Variants in TACC1 observed in about 807,000 individuals in gnomAD.
TACC1 encodes transforming acidic coiled-coil-containing protein 1.
A neutral mutation model predicts 84.4 loss-of-function variants in TACC1; 48 were observed. That is an observed-to-expected ratio of 0.57 (90% CI 0.45 to 0.72). The LOEUF (loss-of-function observed/expected upper bound fraction) is 0.72. Among genes scored for constraint, TACC1 ranks in the 30% least tolerant of loss-of-function variants. TACC1 has a pLI of 0.00. For synonymous variants in TACC1, 372 were observed against 376.3 expected (o/e 0.99, Z 0.13); for missense variants, 920 against 973.0 (o/e 0.95, Z 0.72).
At chr8:38,770,764 T>C (rs1467644327) in intron 3 of TACC1, among the ~76,000 whole-genome samples, 2 of 152,140 alleles carry the variant, frequency 1.3e-5, no homozygotes, top group African/African-American at 4.8e-5. Context: ...AAAAAAGGAC[T>C]CCAGCGCCAG....
intron 3 of TACC1, among the ~76,000 whole-genome samples, chr8:38,775,265 C>G (rs192428115): frequency 6.6e-6 from 1 of 152,230 alleles, no homozygotes; most frequent in Non-Finnish European, 1.5e-5. Context: ...CTGAGTAAAC[C>G]TTCTTCCAAA....
intron 3 of TACC1, among the ~76,000 whole-genome samples, chr8:38,780,697 A>G (rs542796205): frequency 1.3e-5 from 2 of 151,848 alleles, no homozygotes; most frequent in South Asian, 4.2e-4. Flanking sequence ...TTTAAACATT[A>G]TTGACGAATT....
intron 3 of TACC1, among the ~76,000 whole-genome samples, chr8:38,773,079 G>A (rs987338671): frequency 1.3e-5 from 2 of 152,024 alleles, no homozygotes; most frequent in African/African-American, 4.8e-5. Flanking sequence ...TGTAATCCTA[G>A]CACTTTGGGA....
chr8:38,788,147 A>G (rs1191286883), intron 1 of TACC1: 3 of 188,718 alleles, frequency 1.6e-5, no homozygotes, highest in South Asian at 1.3e-4. Context: ...CGTGTACCCA[A>G]AACGCAGCCG....
chr8:38,840,085 C>T (rs13275095), intron 8 of TACC1, 139 bp from the exon 9 acceptor site: 90,585 of 308,958 alleles, frequency 0.29, 14,300 homozygotes, highest in Non-Finnish European at 0.33. Context: ...AAAAAGATAA[C>T]GAGAGCCCCA....
intron 2 of TACC1, among the ~76,000 whole-genome samples, chr8:38,791,859 T>C (rs949616453): frequency 3.3e-5 from 5 of 152,176 alleles, no homozygotes; most frequent in East Asian, 1.9e-4. Flanking sequence ...ACATTTACCA[T>C]ACCCATGGCT....
intron 2 of TACC1, among the ~76,000 whole-genome samples, chr8:38,789,457 T>C (rs1208325588): frequency 3.9e-5 from 6 of 152,200 alleles, no homozygotes; most frequent in Admixed American, 3.9e-4. Context: ...GCTTATTTAC[T>C]AAATAGAGTG....
chr8:38,794,406 G>A (rs956776759), intron 2 of TACC1, among the ~76,000 whole-genome samples: 1 of 152,128 alleles, frequency 6.6e-6, no homozygotes, highest in Non-Finnish European at 1.5e-5. Flanking sequence ...CAAAGTGTTG[G>A]GGTTACAGGC....
In TACC1 at chr8:38,820,452, T is replaced by C. The variant is rs969524153; in HGVS notation, c.1208T>C (p.Leu403Pro). ...AACCCCTTTGGGAGCCACTCTGTTCTGCAGAACTCCCCACCCCTCTCTTCT... is the reference window on the plus strand; with the variant it reads ...AACCCCTTTGGGAGCCACTCTGTTCCGCAGAACTCCCCACCCCTCTCTTCT... ...SFNPFGSHSV[L>P]QNSPPLSSEG... Residue 403 changes from leucine to proline, a missense_variant, in exon 3 of 13, where the codon CTG becomes CCG. Physicochemically the swap from Leu to Pro is moderately conservative, Grantham distance 98. Coordinates refer to ENST00000317827, the MANE Select transcript of TACC1 (RefSeq NM_006283.3). 2.5e-6 allele frequency: 4 copies of C among 1,614,228 alleles called. No individual in the cohort carries two copies. The highest frequency in any genetic ancestry group is 3.4e-6 in the Non-Finnish European group (4 of 1,180,040).
chr8:38,748,126 T>C (rs142176008), intron 3 of TACC1, among the ~76,000 whole-genome samples: 197 of 152,168 alleles, frequency 1.3e-3, no homozygotes, highest in Middle Eastern at 6.8e-3. Context: ...GAAAAAGATA[T>C]ATCATGTAAA....
At chr8:38,846,246 T>C (rs903802926) in intron 11 of TACC1, 2 of 135,484 alleles carry the variant, frequency 1.5e-5, no homozygotes, top group African/African-American at 5.7e-5. Flanking sequence ...ACTGCGCCAC[T>C]GTACTCCAGC....
Position 38,831,167 on chromosome 8 carries a change from C to T in TACC1, c.1703C>T (p.Ser568Phe). 1 of 1,614,174 alleles carries T rather than the reference C, an allele frequency of 6.2e-7. No homozygotes were observed. The highest frequency in any genetic ancestry group is 8.5e-7 in the Non-Finnish European group (1 of 1,180,014). Reference sequence around the variant, plus strand: ...TGCCAGAAGATGGAAGAAGACGGGTCCACTGTGCTTGTAAGTTCCTGAATG... The same window carrying T: ...TGCCAGAAGATGGAAGAAGACGGGTTCACTGTGCTTGTAAGTTCCTGAATG... ...ETCQKMEEDG[S>F]TVLGLLESSA... Residue 568 changes from serine (S) to phenylalanine (F), a missense_variant, in exon 6 of 13, where the codon TCC becomes TTC. This residue lies in a region of TACC1 where 762 missense variants were observed against 747.3 expected (regional missense o/e 1.02). Coordinates refer to ENST00000317827, the MANE Select transcript of TACC1 (RefSeq NM_006283.3).
chr8:38,764,426 TAAAAAAAA>T (rs71216685), intron 3 of TACC1, among the ~76,000 whole-genome samples: 1 of 100,986 alleles, frequency 9.9e-6, no homozygotes, highest in African/African-American at 4.1e-5. Flanking sequence ...ATCAATTTGG[TAAAAAAAA>T]AAAAAAAAAA....
At chr8:38,805,605 T>G (rs1045575181) in intron 2 of TACC1, 1 of 152,342 alleles carries the variant, frequency 6.6e-6, no homozygotes, top group Non-Finnish European at 1.5e-5. Flanking sequence ...ATTTTGGGAC[T>G]CCGTTGTGCC....
intron 6 of TACC1, 53 bp downstream of exon 6, chr8:38,831,230 G>A: frequency 1.3e-6 from 2 of 1,565,786 alleles, no homozygotes; most frequent in South Asian, 1.1e-5. Flanking sequence ...TTCAGTATTT[G>A]TTTTGAAGCC....
chr8:38,815,060 C>T (rs1178743174), intron 2 of TACC1, among the ~76,000 whole-genome samples: 4 of 152,150 alleles, frequency 2.6e-5, no homozygotes, highest in South Asian at 4.1e-4. Context: ...ACAGTGGCTC[C>T]GGACCATTTC....
At chr8:38,826,733 T>C (rs964064080) in intron 4 of TACC1, among the ~76,000 whole-genome samples, 1 of 152,222 alleles carries the variant, frequency 6.6e-6, no homozygotes, top group South Asian at 2.1e-4. Flanking sequence ...GGTAACTAGA[T>C]AGCATTAAGT....
chr8:38,765,928 T>G (rs1218734134), intron 3 of TACC1, among the ~76,000 whole-genome samples: 1 of 152,226 alleles, frequency 6.6e-6, no homozygotes, highest in Non-Finnish European at 1.5e-5. Flanking sequence ...GGTTGCATTT[T>G]AAGCATTTTC....
chr8:38,777,127 G>A (rs1347908935), intron 3 of TACC1, among the ~76,000 whole-genome samples: 1 of 151,924 alleles, frequency 6.6e-6, no homozygotes, highest in Non-Finnish European at 1.5e-5. Context: ...GTGGTGGCAC[G>A]AGCCTGTAAT....
Sources: gnomAD v4.1 joint callset for allele counts (sites outside exome capture counted in the v4.1 genomes callset) on GRCh38, gnomAD v4.1.1 for gene constraint, gnomAD v4.1.1 regional missense constraint, MANE v1.5 for transcripts, NCBI Gene and HGNC (gene_info 2026-07-23, HGNC 2026-07-21) for gene names.